LHFPL3: variants seen among roughly 807,000 people sequenced by gnomAD.
LHFPL3 encodes the protein LHFPL tetraspan subfamily member 3, also known as LHFPL tetraspan subfamily member 3 protein.
A neutral mutation model predicts 19.3 loss-of-function variants in LHFPL3; 5 were observed. The observed-to-expected ratio is 0.26, with a 90% CI of 0.14 to 0.54. The LOEUF (loss-of-function observed/expected upper bound fraction) is 0.54. Among genes scored for constraint, LHFPL3 ranks in the 20% least tolerant of loss-of-function variants. The pLI is 0.94. For synonymous variants in LHFPL3, 133 were observed against 126.2 expected (o/e 1.05, Z -0.36); for missense variants, 249 against 307.4 (o/e 0.81, Z 1.42).
intron 2 of LHFPL3, among the ~76,000 whole-genome samples, chr7:104,755,353 C>A (rs1192005404): frequency 6.6e-6 from 1 of 152,146 alleles, no homozygotes; most frequent in Admixed American, 6.5e-5. Flanking sequence ...CAACAAAGGA[C>A]ATGGGTACTG....
At chr7:104,860,793 G>T (rs1290979643) in intron 2 of LHFPL3, among the ~76,000 whole-genome samples, 1 of 152,144 alleles carries the variant, frequency 6.6e-6, no homozygotes, top group Non-Finnish European at 1.5e-5. Context: ...CTCTTGCCAA[G>T]AACTAGAAAA....
intron 2 of LHFPL3, among the ~76,000 whole-genome samples, chr7:104,740,397 C>T (rs1793911438): frequency 2.6e-5 from 4 of 152,166 alleles, no homozygotes; most frequent in Admixed American, 2.0e-4. Context: ...CTGAGTGTCA[C>T]TTTCATGTCA....
intron 1 of LHFPL3, among the ~76,000 whole-genome samples, chr7:104,734,595 T>C (rs571652175): frequency 6.6e-6 from 1 of 152,276 alleles, no homozygotes; most frequent in African/African-American, 2.4e-5. Context: ...CTTCTCTGCA[T>C]TGGTTATTCT....
At chr7:104,533,341 G>A (rs1462690008) in intron 1 of LHFPL3, among the ~76,000 whole-genome samples, 1 of 151,910 alleles carries the variant, frequency 6.6e-6, no homozygotes, top group Non-Finnish European at 1.5e-5. Flanking sequence ...ATCCACATGG[G>A]AGTACTTATC....
chr7:104,847,829 G>C (rs1162672960), intron 2 of LHFPL3, among the ~76,000 whole-genome samples: 1 of 152,180 alleles, frequency 6.6e-6, no homozygotes, highest in African/African-American at 2.4e-5. Context: ...ATCTTTTTTA[G>C]AGAGCAAAAA....
chr7:104,888,756 T>C (rs1481238316), intron 2 of LHFPL3, among the ~76,000 whole-genome samples: 2 of 152,216 alleles, frequency 1.3e-5, no homozygotes, highest in African/African-American at 2.4e-5. Context: ...TGGACAATCA[T>C]GTGTAGGCTG....
At chr7:104,812,638 A>G (rs1335983309) in intron 2 of LHFPL3, among the ~76,000 whole-genome samples, 1 of 151,070 alleles carries the variant, frequency 6.6e-6, no homozygotes, top group Non-Finnish European at 1.5e-5. Context: ...CATCTCTACT[A>G]AAAAAAATTA....
chr7:104,388,161 C>G (rs1354713164), intron 1 of LHFPL3, among the ~76,000 whole-genome samples: 1 of 152,060 alleles, frequency 6.6e-6, no homozygotes, highest in Non-Finnish European at 1.5e-5. Flanking sequence ...GGTATATGTA[C>G]CACATTTTCT....
At chr7:104,410,275 A>T (rs1791510806) in intron 1 of LHFPL3, among the ~76,000 whole-genome samples, 1 of 152,032 alleles carries the variant, frequency 6.6e-6, no homozygotes, top group Admixed American at 6.5e-5. Flanking sequence ...TGGGATTACA[A>T]GCGCCTGCCA....
At chr7:104,683,221 C>T (rs1792742903) in intron 1 of LHFPL3, among the ~76,000 whole-genome samples, 1 of 152,212 alleles carries the variant, frequency 6.6e-6, no homozygotes, top group Non-Finnish European at 1.5e-5. Flanking sequence ...AATTCCTGAC[C>T]TCAGGTGATC....
chr7:104,570,145 G>A (rs561431463), intron 1 of LHFPL3, among the ~76,000 whole-genome samples: 2 of 152,170 alleles, frequency 1.3e-5, no homozygotes, highest in African/African-American at 2.4e-5. Context: ...GGAAAATTGT[G>A]GGGTGGATGA....
At chr7:104,658,505 C>A (rs1051339142) in intron 1 of LHFPL3, among the ~76,000 whole-genome samples, 1 of 152,162 alleles carries the variant, frequency 6.6e-6, no homozygotes, top group Non-Finnish European at 1.5e-5. Context: ...GGAGTACTCT[C>A]GTACCTCTAG....
At chr7:104,563,503 C>T (rs539695617) in intron 1 of LHFPL3, among the ~76,000 whole-genome samples, 21 of 152,048 alleles carry the variant, frequency 1.4e-4, no homozygotes, top group Admixed American at 2.6e-4. Context: ...TGACCCCTTG[C>T]GCTTCCCAAG....
intron 1 of LHFPL3, among the ~76,000 whole-genome samples, chr7:104,365,942 G>A (rs540660196): frequency 6.6e-6 from 1 of 152,252 alleles, no homozygotes; most frequent in Admixed American, 6.5e-5. Context: ...GGAAGAACTC[G>A]AAGTTAAACA....
chr7:104,775,666 T>C (rs1280950363), intron 2 of LHFPL3, among the ~76,000 whole-genome samples: 1 of 152,144 alleles, frequency 6.6e-6, no homozygotes, highest in East Asian at 1.9e-4. Flanking sequence ...ACCTCAAAGA[T>C]TCTTTGCTTG....
At chr7:104,419,561 A>G (rs1791687150) in intron 1 of LHFPL3, among the ~76,000 whole-genome samples, 1 of 152,234 alleles carries the variant, frequency 6.6e-6, no homozygotes, top group Admixed American at 6.5e-5. Context: ...ACCATTAAAA[A>G]TACATGTTAT....
At chr7:104,651,202 T>G (rs376583490) in intron 1 of LHFPL3, among the ~76,000 whole-genome samples, 1 of 152,308 alleles carries the variant, frequency 6.6e-6, no homozygotes, top group South Asian at 2.1e-4. Flanking sequence ...AGAAGCACTT[T>G]CCCTGGTGAT....
intron 1 of LHFPL3, among the ~76,000 whole-genome samples, chr7:104,407,749 G>A (rs1024329018): frequency 1.3e-5 from 2 of 152,200 alleles, no homozygotes; most frequent in African/African-American, 2.4e-5. Context: ...GAAGTTGGCA[G>A]AAACATGATG....
chr7:104,392,622 A>C (rs1791098903), intron 1 of LHFPL3, among the ~76,000 whole-genome samples: 1 of 152,184 alleles, frequency 6.6e-6, no homozygotes, highest in African/African-American at 2.4e-5. Context: ...ATCAATGTTC[A>C]TCAGGGATAT....
Sources: allele counts gnomAD v4.1 joint callset (sites outside exome capture counted in the v4.1 genomes callset), GRCh38; gene constraint gnomAD v4.1.1; transcripts MANE v1.5; gene names NCBI Gene and HGNC (gene_info 2026-07-23, HGNC 2026-07-21).